ANKRD17: variants seen among roughly 807,000 people sequenced by gnomAD.
ANKRD17 encodes ankyrin repeat domain 17.
A neutral mutation model predicts 229.7 loss-of-function variants in ANKRD17; 19 were observed. That is an observed-to-expected ratio of 0.08 (90% CI 0.06 to 0.12). The LOEUF (loss-of-function observed/expected upper bound fraction) is 0.12, where lower values mean the gene tolerates loss of function less well. ANKRD17 is among the 10% of genes least tolerant of loss of function. ANKRD17 has a pLI of 1.00. For synonymous variants in ANKRD17, 1,112 were observed against 1,146.1 expected (o/e 0.97, Z 0.60); for missense variants, 2,176 against 3,176.8 (o/e 0.68, Z 7.57).
At chr4:73,196,843 G>C (rs1253260294) in intron 1 of ANKRD17, among the ~76,000 whole-genome samples, 2 of 152,044 alleles carry the variant, frequency 1.3e-5, no homozygotes, top group Non-Finnish European at 1.5e-5. Context: ...GGACAGTTTT[G>C]AACAAAAGAA....
intron 1 of ANKRD17, among the ~76,000 whole-genome samples, chr4:73,226,161 G>C (rs1357929181): frequency 6.6e-6 from 1 of 151,290 alleles, no homozygotes; most frequent in Non-Finnish European, 1.5e-5. Flanking sequence ...ATTTTTAGTA[G>C]AAACGGGGTT....
intron 18 of ANKRD17, among the ~76,000 whole-genome samples, chr4:73,124,338 T>C (rs905058244): frequency 3.9e-4 from 52 of 134,528 alleles, no homozygotes; most frequent in Non-Finnish European, 1.2e-4. Flanking sequence ...ACAAGATACA[T>C]AAGTGAGTGT....
intron 1 of ANKRD17, among the ~76,000 whole-genome samples, chr4:73,179,015 GA>G (rs1735095335): frequency 6.6e-6 from 1 of 151,970 alleles, no homozygotes; most frequent in Admixed American, 6.6e-5. Context: ...CTAGTATCCA[GA>G]AGGTCAACAA....
intron 30 of ANKRD17, among the ~76,000 whole-genome samples, chr4:73,079,843 G>A (rs963127406): frequency 4.6e-5 from 7 of 152,118 alleles, no homozygotes; most frequent in Non-Finnish European, 7.4e-5. Context: ...GGCCGGGCGC[G>A]GTGGCACACA....
intron 1 of ANKRD17, among the ~76,000 whole-genome samples, chr4:73,205,839 T>C (rs1739365337): frequency 6.6e-6 from 1 of 152,124 alleles, no homozygotes; most frequent in Admixed American, 6.5e-5. Context: ...TTTAAACATA[T>C]ATCTGATTAG....
intron 30 of ANKRD17, among the ~76,000 whole-genome samples, chr4:73,083,220 TG>T (rs1382862995): frequency 6.6e-6 from 1 of 152,222 alleles, no homozygotes; most frequent in Non-Finnish European, 1.5e-5. Flanking sequence ...TGGTAGTTCC[TG>T]GTTCAAGAAA....
At chr4:73,169,163 T>C (rs915796619) in intron 2 of ANKRD17, 1 of 152,180 alleles carries the variant, frequency 6.6e-6, no homozygotes, top group Non-Finnish European at 1.5e-5. Flanking sequence ...ACTTATTTAA[T>C]ATATGTTGTT....
intron 18 of ANKRD17, among the ~76,000 whole-genome samples, 190 bp downstream of exon 18, chr4:73,124,723 T>C (rs1404891786): frequency 6.6e-6 from 1 of 152,210 alleles, no homozygotes; most frequent in African/African-American, 2.4e-5. Context: ...TTCTAAACAA[T>C]GTGTGATTTT....
At chr4:73,161,524 A>G (rs1000466134) in intron 2 of ANKRD17, among the ~76,000 whole-genome samples, 176 bp from the exon 3 acceptor site, 1 of 152,208 alleles carries the variant, frequency 6.6e-6, no homozygotes, top group Non-Finnish European at 1.5e-5. Context: ...GTTTTCTAAT[A>G]ATCTTATTCA....
At chr4:73,235,599 T>G (rs1171566678) in intron 1 of ANKRD17, among the ~76,000 whole-genome samples, 3 of 152,194 alleles carry the variant, frequency 2.0e-5, no homozygotes, top group Non-Finnish European at 4.4e-5. Context: ...AGGAATGTAC[T>G]AAATCCACCA....
intron 1 of ANKRD17, among the ~76,000 whole-genome samples, chr4:73,258,014 T>G (rs1018055891): frequency 8.1e-6 from 1 of 122,746 alleles, no homozygotes; most frequent in African/African-American, 3.2e-5. Flanking sequence ...CCTCCATCCT[T>G]AACCAAGTGA....
intron 23 of ANKRD17, among the ~76,000 whole-genome samples, chr4:73,115,252 T>G (rs1264952883): frequency 1.3e-5 from 2 of 152,138 alleles, no homozygotes; most frequent in African/African-American, 2.4e-5. Context: ...AATTACTTAG[T>G]GTTCACATAA....
At chr4:73,111,886 T>C (rs1725365406) in intron 24 of ANKRD17, among the ~76,000 whole-genome samples, 1 of 152,198 alleles carries the variant, frequency 6.6e-6, no homozygotes, top group East Asian at 1.9e-4. Flanking sequence ...TATGTTCTAG[T>C]AATAGAGACA....
chr4:73,168,984 T>C (rs1156585435), intron 2 of ANKRD17: 7 of 152,312 alleles, frequency 4.6e-5, no homozygotes, highest in Non-Finnish European at 4.4e-5. Flanking sequence ...TTAGTGTCCA[T>C]GTGTACTCAA....
intron 1 of ANKRD17, among the ~76,000 whole-genome samples, chr4:73,195,700 G>T (rs998432113): frequency 2.0e-5 from 3 of 152,034 alleles, no homozygotes; most frequent in Non-Finnish European, 4.4e-5. Flanking sequence ...GTAGACAGGG[G>T]GTTTCACCAT....
Position 73,125,198 on chromosome 4 carries a change from T to G in ANKRD17, c.3346+3A>C. 1.3e-6 allele frequency: 2 copies of G among 1,598,178 alleles called. No homozygotes were observed. The highest frequency in any genetic ancestry group is 1.7e-6 in the Non-Finnish European group (2 of 1,175,776). Reference sequence around the variant, plus strand: ...CAAAAAATAAAACAAAAGTAGGCCCTACCTTTCTTGTCTCGGTGCTCTATA... The same window carrying G: ...CAAAAAATAAAACAAAAGTAGGCCCGACCTTTCTTGTCTCGGTGCTCTATA... On this transcript the variant is annotated splice_donor_region_variant and intron_variant, in intron 17 of 33. Transcript: ENST00000358602.
chr4:73,186,845 T>G (rs369073636), intron 1 of ANKRD17, among the ~76,000 whole-genome samples: 1 of 152,310 alleles, frequency 6.6e-6, no homozygotes, highest in South Asian at 2.1e-4. Flanking sequence ...TACTTATCAA[T>G]AGTAGGATGC....
rs1470563535 is a variant in ANKRD17, at chr4:73,091,734, A to G, written c.5894T>C (p.Leu1965Ser). The change falls in exon 29 of 34, where the codon TTA becomes TCA. Residue 1965 changes from leucine (L) to serine (S), a missense_variant. Around this residue, in one of 18 missense-constraint regions of ANKRD17, gnomAD observed 424 missense variants for 454.0 expected, o/e 0.93. Coordinates refer to ENST00000358602, the MANE Select transcript of ANKRD17 (RefSeq NM_032217.5). ...GGTTGTAGTTGTTGGGCTTGAAGTT[A>G]AAGAACCTGCTGAATTCACCTGAGA... ...SGSQVNSAGS[L>S]TSSPTTTTSS... 2 of 1,614,188 alleles carry G rather than the reference A, an allele frequency of 1.2e-6. No homozygotes were observed. Among genetic ancestry groups the G allele is most frequent in the Admixed American group, 1.7e-5 (1 of 60,014 alleles).
chr4:73,149,974 GTCCTTCAGTAATTTTTT>G (rs1276565992), intron 7 of ANKRD17, among the ~76,000 whole-genome samples: 1 of 151,868 alleles, frequency 6.6e-6, no homozygotes, highest in Admixed American at 6.6e-5. Context: ...CCTTCTTTTT[GTCCTTCAGTAATTTTTT>G]TCCATCTATA....
Sources: allele counts gnomAD v4.1 joint callset (sites outside exome capture counted in the v4.1 genomes callset), GRCh38; gene constraint gnomAD v4.1.1; regional missense constraint gnomAD v4.1.1; transcripts MANE v1.5; gene names NCBI Gene and HGNC (gene_info 2026-07-23, HGNC 2026-07-21).